USH2A: variants seen among roughly 807,000 people sequenced by gnomAD.
USH2A encodes the protein usherin.
Under a neutral mutation model 538.9 loss-of-function variants are expected in USH2A, and 443 were observed. The observed-to-expected ratio is 0.82, with a 90% CI of 0.76 to 0.89. USH2A has a LOEUF of 0.89. USH2A is among the 40% of genes least tolerant of loss of function. The pLI is 0.00. For missense variants in USH2A, 6,633 were observed against 6,324.8 expected, an observed-to-expected ratio of 1.05 and a Z score of -1.65; for synonymous variants, 2,413 against 2,273.5, an observed-to-expected ratio of 1.06 and a Z score of -1.75.
intron 47 of USH2A, among the ~76,000 whole-genome samples, chr1:215,836,332 G>A (rs899316880): frequency 6.8e-6 from 1 of 147,092 alleles, no homozygotes; most frequent in African/African-American, 2.5e-5. Flanking sequence ...TTATTATAGT[G>A]TTTTTTACAT....
At chr1:216,277,739 C>T (rs949181491) in intron 11 of USH2A, among the ~76,000 whole-genome samples, 4 of 152,128 alleles carry the variant, frequency 2.6e-5, no homozygotes, top group Non-Finnish European at 5.9e-5. Context: ...ATGTGACTAG[C>T]TATCATCAAT....
At chr1:215,703,747 G>T (rs932536778) in intron 61 of USH2A, among the ~76,000 whole-genome samples, 1 of 152,280 alleles carries the variant, frequency 6.6e-6, no homozygotes, top group East Asian at 1.9e-4. Flanking sequence ...AGCTTGCTGG[G>T]CTCCATGGGG....
At chr1:215,959,305 T>C (rs1047677031) in intron 37 of USH2A, among the ~76,000 whole-genome samples, 22 of 152,126 alleles carry the variant, frequency 1.4e-4, no homozygotes, top group Middle Eastern at 3.2e-3. Flanking sequence ...TTTCTTTTTT[T>C]CAGGACCATC....
chr1:216,115,048 A>C (rs1470163751), intron 21 of USH2A, among the ~76,000 whole-genome samples: 1 of 152,084 alleles, frequency 6.6e-6, no homozygotes, highest in East Asian at 1.9e-4. Flanking sequence ...GCATCTATGT[A>C]TCTTTCCATC....
intron 14 of USH2A, among the ~76,000 whole-genome samples, chr1:216,228,719 T>C (rs2035614267): frequency 6.6e-6 from 1 of 152,106 alleles, no homozygotes; most frequent in Non-Finnish European, 1.5e-5. Flanking sequence ...TATGTCTTTA[T>C]CAGCAGCATG....
At chr1:215,945,362 C>G (rs1214893298) in intron 37 of USH2A, among the ~76,000 whole-genome samples, 1 of 152,132 alleles carries the variant, frequency 6.6e-6, no homozygotes, top group Non-Finnish European at 1.5e-5. Flanking sequence ...TTCACCTTAA[C>G]TGTTTTCTTA....
intron 21 of USH2A, among the ~76,000 whole-genome samples, chr1:216,137,080 T>A (rs533321985): frequency 6.6e-6 from 1 of 152,240 alleles, no homozygotes; most frequent in African/African-American, 2.4e-5. Context: ...AAAACTAGAT[T>A]TGAGAACTAA....
At chr1:216,231,188 C>T (rs1489680450) in intron 14 of USH2A, among the ~76,000 whole-genome samples, 19 of 115,534 alleles carry the variant, frequency 1.6e-4, no homozygotes, top group African/African-American at 6.2e-4. Flanking sequence ...AATAAATATG[C>T]AATAAATTCA....
intron 2 of USH2A, 22 bp from the exon 3 acceptor site, chr1:216,418,701 A>G (rs1203868838): frequency 5.0e-6 from 8 of 1,612,506 alleles, no homozygotes; most frequent in Non-Finnish European, 6.8e-6. Flanking sequence ...ACCGGAAAAG[A>G]GAGAAAAGGT....
intron 3 of USH2A, among the ~76,000 whole-genome samples, chr1:216,417,036 A>T (rs752054196): frequency 1.6e-4 from 25 of 152,136 alleles, no homozygotes; most frequent in African/African-American, 6.0e-4. Flanking sequence ...TTAACTACTG[A>T]ACACATGGAG....
intron 69 of USH2A, among the ~76,000 whole-genome samples, chr1:215,637,968 G>C (rs1360253567): frequency 1.3e-5 from 2 of 152,108 alleles, no homozygotes; most frequent in African/African-American, 4.8e-5. Flanking sequence ...CACAAATTTA[G>C]ATTCAGAGAC....
chr1:215,999,253 A>T (rs900229221), intron 33 of USH2A, among the ~76,000 whole-genome samples, 195 bp from the exon 34 acceptor site: 5 of 152,230 alleles, frequency 3.3e-5, no homozygotes, highest in Non-Finnish European at 7.3e-5. Context: ...GAAATGTGAT[A>T]TGGCTCCTGC....
At chr1:215,995,727 C>T (rs973791773) in intron 34 of USH2A, among the ~76,000 whole-genome samples, 10 of 152,098 alleles carry the variant, frequency 6.6e-5, no homozygotes, top group African/African-American at 2.2e-4. Flanking sequence ...TTAACCATCG[C>T]CTATAGCTTT....
At chr1:216,050,258 C>T (rs757322992) in intron 30 of USH2A, among the ~76,000 whole-genome samples, 2 of 152,176 alleles carry the variant, frequency 1.3e-5, no homozygotes, top group East Asian at 1.9e-4. Flanking sequence ...AATCTGCTGC[C>T]GATTGGCCAT....
intron 21 of USH2A, among the ~76,000 whole-genome samples, chr1:216,141,954 G>GA (rs112639803): frequency 0.45 from 58,749 of 131,396 alleles, 12,615 homozygotes; most frequent in African/African-American, 0.49. Context: ...ATTAGGAAAT[G>GA]AAAAAAAAAA....
At chr1:215,987,385 G>A (rs1443923437) in intron 35 of USH2A, among the ~76,000 whole-genome samples, 2 of 152,158 alleles carry the variant, frequency 1.3e-5, no homozygotes, top group African/African-American at 2.4e-5. Context: ...TACATAATAA[G>A]GGTTCCTATA....
At chr1:216,396,559 C>T (rs948964943) in intron 3 of USH2A, among the ~76,000 whole-genome samples, 1 of 152,022 alleles carries the variant, frequency 6.6e-6, no homozygotes, top group Non-Finnish European at 1.5e-5. Flanking sequence ...TTTATTTTAA[C>T]CATGATCAAG....
At chr1:215,827,537 A>G (rs1481195097) in intron 47 of USH2A, among the ~76,000 whole-genome samples, 1 of 152,152 alleles carries the variant, frequency 6.6e-6, no homozygotes, top group Non-Finnish European at 1.5e-5. Context: ...TTCTGACACT[A>G]TTCTATTAAG....
intron 43 of USH2A, among the ~76,000 whole-genome samples, chr1:215,871,440 T>C (rs556269211): frequency 6.6e-6 from 1 of 152,314 alleles, no homozygotes; most frequent in East Asian, 1.9e-4. Flanking sequence ...AAATTTCAGG[T>C]CACTTATATA....
Sources: gnomAD v4.1 joint callset for allele counts (sites outside exome capture counted in the v4.1 genomes callset) on GRCh38, gnomAD v4.1.1 for gene constraint, MANE v1.5 for transcripts, NCBI Gene and HGNC (gene_info 2026-07-23, HGNC 2026-07-21) for gene names.